The following CROCC2 variants were observed in gnomAD, a reference collection of about 807,000 sequenced individuals.
The protein encoded by CROCC2 is ciliary rootlet coiled-coil, rootletin family member 2.
In CROCC2, 163 loss-of-function variants were observed where a neutral mutation model predicts 177.6. The ratio of observed to expected loss-of-function variants is 0.92; its 90% CI spans 0.81 to 1.05. The LOEUF (loss-of-function observed/expected upper bound fraction) is 1.05, where lower values mean the gene tolerates loss of function less well. CROCC2 is among the 50% of genes least tolerant of loss of function. CROCC2 has a pLI of 0.00. For missense variants in CROCC2, 1,929 were observed against 1,797.8 expected, an observed-to-expected ratio of 1.07 and a Z score of -1.32; for synonymous variants, 904 against 787.3, an observed-to-expected ratio of 1.15 and a Z score of -2.48.
At position 240,920,094 on chromosome 2, in the gene CROCC2, G is replaced by A. The variant is rs748712126; in HGVS notation, c.341G>A (p.Arg114Gln). 3.1e-5 allele frequency: 22 copies of A among 709,836 alleles called. No homozygotes were observed. Among genetic ancestry groups the A allele is most frequent in the Non-Finnish European group, 5.0e-5 (19 of 382,234 alleles). The allele number at this position is 709,836 out of a possible 1,614,324, so 44.0% of individuals were successfully genotyped here. A position where few individuals can be genotyped will look rare whatever the true frequency, so the allele number is the denominator to read the frequency against. Residue 114 changes from arginine to glutamine, a missense_variant, in exon 3 of 32, where the codon CGA becomes CAA. Transcript: ENST00000690015. ...CTGCTGGCCCAGGCCAGCGCCGAGCGAGATGAGCTGGCCAGCAGGTGCCGT... is the reference window on the plus strand; with the variant it reads ...CTGCTGGCCCAGGCCAGCGCCGAGCAAGATGAGCTGGCCAGCAGGTGCCGT... ...GDLLAQASAERDELASRCRVV... is the reference protein window; with the variant it reads ...GDLLAQASAEQDELASRCRVV...
intron 28 of CROCC2, among the ~76,000 whole-genome samples, chr2:240,985,626 C>CAT (rs1187959891): frequency 8.5e-6 from 1 of 118,010 alleles, no homozygotes. Flanking sequence ...ACTCACTCCA[C>CAT]ACACACCCAG....
intron 27 of CROCC2, 137 bp downstream of exon 27, chr2:240,968,399 G>T (rs924160366): frequency 1.7e-6 from 2 of 1,184,412 alleles, no homozygotes; most frequent in Admixed American, 5.9e-5. Context: ...GGTGTTCGGG[G>T]CTGGAGCCAG....
intron 25 of CROCC2, among the ~76,000 whole-genome samples, chr2:240,966,778 C>T (rs1191602270): frequency 6.6e-6 from 1 of 152,126 alleles, no homozygotes. Context: ...TCCGGTGGGG[C>T]CAAGCTCCCC....
intron 27 of CROCC2, chr2:240,981,842 CTCA>C (rs1435676309): frequency 6.6e-6 from 1 of 152,052 alleles, no homozygotes; most frequent in Non-Finnish European, 1.5e-5. Flanking sequence ...GGGCTCGGGG[CTCA>C]TCAAGACCTG....
intron 20 of CROCC2, among the ~76,000 whole-genome samples, chr2:240,961,861 CACTCA>C (rs2059640587): frequency 7.3e-5 from 2 of 27,254 alleles, no homozygotes; most frequent in Non-Finnish European, 2.1e-4. Flanking sequence ...CACACGCACA[CACTCA>C]TCACACATGC....
At chr2:240,936,407 G>A (rs375217521) in intron 14 of CROCC2, among the ~76,000 whole-genome samples, 3 of 152,164 alleles carry the variant, frequency 2.0e-5, no homozygotes, top group East Asian at 3.8e-4. Flanking sequence ...GGATGCACCT[G>A]TTTCCGAATT....
intron 15 of CROCC2, 104 bp from the exon 16 acceptor site, chr2:240,948,875 T>G: frequency 9.7e-7 from 1 of 1,029,040 alleles, no homozygotes. Flanking sequence ...TCCATTTATT[T>G]GCATTTCAGC....
intron 14 of CROCC2, among the ~76,000 whole-genome samples, 199 bp downstream of exon 14, chr2:240,935,787 T>A (rs2106463276): frequency 6.6e-6 from 1 of 152,274 alleles, no homozygotes; most frequent in South Asian, 2.1e-4. Flanking sequence ...AAGATTCCCA[T>A]CAGGCCTGGC....
chr2:240,954,011 A>G (rs2059573501), intron 18 of CROCC2, among the ~76,000 whole-genome samples: 1 of 152,188 alleles, frequency 6.6e-6, no homozygotes, highest in Admixed American at 6.5e-5. Flanking sequence ...GCAGGGCCCC[A>G]ACCCTTGCAG....
chr2:240,968,756 C>T (rs2059702199), intron 27 of CROCC2, among the ~76,000 whole-genome samples: 1 of 152,234 alleles, frequency 6.6e-6, no homozygotes, highest in South Asian at 2.1e-4. Flanking sequence ...GTCAGTGTCC[C>T]TACATGCCAG....
intron 15 of CROCC2, among the ~76,000 whole-genome samples, chr2:240,948,706 C>T (rs2059536751): frequency 6.6e-6 from 1 of 152,192 alleles, no homozygotes; most frequent in Admixed American, 6.5e-5. Flanking sequence ...ACCAAGCAGG[C>T]TTTTCACATG....
At chr2:240,927,049 C>A (rs2059399650) in intron 5 of CROCC2, among the ~76,000 whole-genome samples, 1 of 152,240 alleles carries the variant, frequency 6.6e-6, no homozygotes, top group Non-Finnish European at 1.5e-5. Flanking sequence ...TCTTTATTTT[C>A]CCTTTGTCCT....
At chr2:240,987,601 C>A (rs2059849254) in intron 28 of CROCC2, among the ~76,000 whole-genome samples, 1 of 152,248 alleles carries the variant, frequency 6.6e-6, no homozygotes, top group Non-Finnish European at 1.5e-5. Flanking sequence ...CGAAACCAGG[C>A]CTGCTCCAGC....
In CROCC2 at chr2:240,993,243, TG is replaced by T. The variant is rs2059891321; in HGVS notation, c.*166del. 1 of 565,734 alleles carries T rather than the reference TG, an allele frequency of 1.8e-6. No individual in the cohort carries two copies. 35.0% of individuals were successfully genotyped at this position (565,734 alleles called of 1,614,324 possible). A position where few individuals can be genotyped will look rare whatever the true frequency, so the allele number is the denominator to read the frequency against. On this transcript the variant is annotated 3_prime_UTR_variant, in exon 32 of 32. Coordinates refer to ENST00000690015, the MANE Select transcript of CROCC2 (RefSeq NM_001351305.2). Reference sequence around the variant, plus strand: ...GGACCCTCCTTGCCCTGGCTGCTCATGGGGAACATTTGAAATGCATGTGGGG... The same window carrying T: ...GGACCCTCCTTGCCCTGGCTGCTCATGGGAACATTTGAAATGCATGTGGGG...
intron 20 of CROCC2, among the ~76,000 whole-genome samples, chr2:240,962,061 C>G (rs1379542209): frequency 3.2e-5 from 4 of 125,838 alleles, no homozygotes; most frequent in African/African-American, 1.3e-4. Context: ...CATACACTCA[C>G]ACTCACACGC....
chr2:240,961,145 G>C (rs985641951), intron 20 of CROCC2, among the ~76,000 whole-genome samples: 1 of 152,136 alleles, frequency 6.6e-6, no homozygotes, highest in African/African-American at 2.4e-5. Context: ...GCTGGCCCAG[G>C]GTCACCATGG....
At chr2:240,931,257 C>T (rs1007227439) in intron 7 of CROCC2, 129 bp downstream of exon 7, 3 of 599,562 alleles carry the variant, frequency 5.0e-6, no homozygotes, top group East Asian at 5.6e-5. Flanking sequence ...CCTGATGTCA[C>T]TGGTGGTGCA....
At chr2:240,952,365 G>A (rs1574772427) in intron 18 of CROCC2, among the ~76,000 whole-genome samples, 3 of 150,026 alleles carry the variant, frequency 2.0e-5, no homozygotes, top group East Asian at 2.0e-4. Flanking sequence ...TACAGTAGCC[G>A]AAATAGCCAA....
chr2:240,916,812 T>C (rs2059324623), intron 1 of CROCC2, among the ~76,000 whole-genome samples: 1 of 152,180 alleles, frequency 6.6e-6, no homozygotes, highest in Middle Eastern at 3.4e-3. Flanking sequence ...GTCTGGGGGA[T>C]TGAGCGGAGC....
Sources: allele counts gnomAD v4.1 joint callset (sites outside exome capture counted in the v4.1 genomes callset), GRCh38; gene constraint gnomAD v4.1.1; transcripts MANE v1.5; gene names NCBI Gene and HGNC (gene_info 2026-07-23, HGNC 2026-07-21).